FHIT: variants seen among roughly 807,000 people sequenced by gnomAD.
FHIT encodes bis(5'-adenosyl)-triphosphatase.
Under a neutral mutation model 17.9 loss-of-function variants are expected in FHIT, and 19 were observed. That is an observed-to-expected ratio of 1.06 (90% CI 0.74 to 1.56). The LOEUF (loss-of-function observed/expected upper bound fraction) is 1.56. Among genes scored for constraint, FHIT ranks in the 40% most tolerant of loss-of-function variants. The pLI is 0.00. For synonymous variants in FHIT, 81 were observed against 69.7 expected, an observed-to-expected ratio of 1.16 and a Z score of -0.81; for missense variants, 248 against 189.2, an observed-to-expected ratio of 1.31 and a Z score of -1.82.
chr3:60,965,575 T>C (rs1053286561), intron 3 of FHIT, among the ~76,000 whole-genome samples: 1 of 152,224 alleles, frequency 6.6e-6, no homozygotes, highest in Non-Finnish European at 1.5e-5. Flanking sequence ...TGGTTTTATC[T>C]ATCTTTGGTC....
At chr3:60,184,697 G>A (rs578062572) in intron 5 of FHIT, among the ~76,000 whole-genome samples, 7 of 152,200 alleles carry the variant, frequency 4.6e-5, no homozygotes, top group African/African-American at 1.7e-4. Context: ...AACCACGTGT[G>A]GCCGACATTT....
At chr3:60,277,971 A>G (rs1559782948) in intron 5 of FHIT, among the ~76,000 whole-genome samples, 1 of 152,238 alleles carries the variant, frequency 6.6e-6, no homozygotes, top group Admixed American at 6.5e-5. Flanking sequence ...GATTCAGCAG[A>G]GAACTGAGGT....
intron 4 of FHIT, among the ~76,000 whole-genome samples, chr3:60,755,960 A>T (rs2042563475): frequency 6.6e-6 from 1 of 152,168 alleles, no homozygotes; most frequent in African/African-American, 2.4e-5. Flanking sequence ...AACATACACC[A>T]CCCTTACATT....
chr3:61,120,528 C>A (rs1467270755), intron 2 of FHIT, among the ~76,000 whole-genome samples: 1 of 152,112 alleles, frequency 6.6e-6, no homozygotes, highest in Non-Finnish European at 1.5e-5. Context: ...CCTTGGCAGT[C>A]TCAGCAAGCT....
intron 8 of FHIT, among the ~76,000 whole-genome samples, chr3:59,806,715 TATGTATATAC>T (rs1157705701): frequency 8.7e-4 from 11 of 12,682 alleles, no homozygotes; most frequent in Admixed American, 2.9e-3. Context: ...TGTATATACA[TATGTATATAC>T]ATATATATGT....
At chr3:60,461,217 G>A (rs1020857407) in intron 5 of FHIT, among the ~76,000 whole-genome samples, 1 of 152,080 alleles carries the variant, frequency 6.6e-6, no homozygotes, top group Admixed American at 6.6e-5. Context: ...ATTCAGTAGT[G>A]AGCCTTATTG....
intron 8 of FHIT, among the ~76,000 whole-genome samples, chr3:59,856,946 A>G (rs935094783): frequency 2.6e-5 from 4 of 152,106 alleles, no homozygotes; most frequent in African/African-American, 9.7e-5. Flanking sequence ...ATTAGTGAAT[A>G]AAGAAACTGA....
intron 4 of FHIT, among the ~76,000 whole-genome samples, chr3:60,661,384 ATTTCT>A (rs1461479338): frequency 6.6e-6 from 1 of 152,150 alleles, no homozygotes; most frequent in Non-Finnish European, 1.5e-5. Context: ...TCATTATTTC[ATTTCT>A]TTTTTACGGC....
intron 5 of FHIT, among the ~76,000 whole-genome samples, chr3:60,054,144 G>C (rs995479922): frequency 6.6e-6 from 1 of 152,122 alleles, no homozygotes; most frequent in South Asian, 2.1e-4. Context: ...TTATTTTCCT[G>C]TTTTAATCAT....
chr3:60,922,721 C>G (rs1480645984), intron 3 of FHIT, among the ~76,000 whole-genome samples: 1 of 152,124 alleles, frequency 6.6e-6, no homozygotes. Context: ...CTCCAATCAC[C>G]AAGACAACAC....
At chr3:60,955,633 TACACAC>T (rs1553778443) in intron 3 of FHIT, among the ~76,000 whole-genome samples, 7 of 39,518 alleles carry the variant, frequency 1.8e-4, no homozygotes, top group African/African-American at 3.2e-4. Flanking sequence ...TATATATATA[TACACAC>T]ACACACATAT....
At chr3:60,388,837 T>C (rs1701115486) in intron 5 of FHIT, among the ~76,000 whole-genome samples, 1 of 152,186 alleles carries the variant, frequency 6.6e-6, no homozygotes, top group South Asian at 2.1e-4. Flanking sequence ...TAGGGACTAC[T>C]GTCATCTGTA....
chr3:60,228,718 G>A (rs374340005), intron 5 of FHIT, among the ~76,000 whole-genome samples: 3 of 152,188 alleles, frequency 2.0e-5, no homozygotes, highest in East Asian at 3.9e-4. Flanking sequence ...ATATTCTTAC[G>A]AGACCCTTGA....
At chr3:60,063,682 A>C (rs1261984849) in intron 5 of FHIT, among the ~76,000 whole-genome samples, 1 of 152,236 alleles carries the variant, frequency 6.6e-6, no homozygotes, top group Non-Finnish European at 1.5e-5. Flanking sequence ...ATCTCTTAGC[A>C]AAATGGCAAA....
chr3:60,666,389 T>C (rs2107834429), intron 4 of FHIT, among the ~76,000 whole-genome samples: 1 of 152,326 alleles, frequency 6.6e-6, no homozygotes, highest in African/African-American at 2.4e-5. Context: ...TTGATAATTC[T>C]TTCAGTACTT....
Position 60,992,530 on chromosome 3 carries a change from C to T in FHIT, c.-111+49517G>A, listed in dbSNP as rs114246268. ...GCCAGTTAATTTCCAAAGCTACTTC[C>T]CGTTTCTAAGTTAAACAGCTCTGCA... is the stretch of plus-strand genomic sequence containing the variant. On this transcript the variant is annotated intron_variant, in intron 3 of 9. Transcript: ENST00000492590. 3.8e-3 allele frequency among the ~76,000 whole-genome samples: 581 copies of T among 152,306 alleles called. 2 individuals are homozygous for T. Among genetic ancestry groups the T allele is most frequent in the African/African-American group, 0.014 (567 of 41,558 alleles).
intron 5 of FHIT, among the ~76,000 whole-genome samples, chr3:60,182,908 A>G (rs1702001982): frequency 6.7e-6 from 1 of 149,922 alleles, no homozygotes; most frequent in Admixed American, 6.7e-5. Flanking sequence ...AAAATAATGG[A>G]GGGTTAAAAA....
At chr3:59,902,132 T>C (rs1289834385) in intron 8 of FHIT, among the ~76,000 whole-genome samples, 2 of 152,064 alleles carry the variant, frequency 1.3e-5, no homozygotes, top group Non-Finnish European at 2.9e-5. Flanking sequence ...AATTAAAAAA[T>C]GAGCAACGGA....
chr3:60,029,693 T>C (rs1221494490), intron 5 of FHIT, among the ~76,000 whole-genome samples: 1 of 152,186 alleles, frequency 6.6e-6, no homozygotes, highest in Non-Finnish European at 1.5e-5. Context: ...GTCTTGGGAA[T>C]ACATGTGCCA....
Sources: gnomAD v4.1 joint callset for allele counts (sites outside exome capture counted in the v4.1 genomes callset) on GRCh38, gnomAD v4.1.1 for gene constraint, MANE v1.5 for transcripts, NCBI Gene and HGNC (gene_info 2026-07-23, HGNC 2026-07-21) for gene names.